Variants in DCC observed in about 807,000 individuals in gnomAD.
The protein encoded by DCC is netrin receptor DCC.
Under a neutral mutation model 172.5 loss-of-function variants are expected in DCC, and 58 were observed. The ratio of observed to expected loss-of-function variants is 0.34; its 90% CI spans 0.27 to 0.42. The LOEUF (loss-of-function observed/expected upper bound fraction) is 0.42. Ranked by LOEUF, DCC falls within the 10% of genes least tolerant of loss-of-function variation. The probability of loss-of-function intolerance (pLI) is 1.00; values close to 1 mark genes in which losing one functional copy is unlikely to be tolerated. For missense variants in DCC, 1,740 were observed against 1,791.0 expected (o/e 0.97, Z 0.51); for synonymous variants, 709 against 644.5 (o/e 1.10, Z -1.52).
chr18:53,265,112 C>A (rs1451641121), intron 12 of DCC, among the ~76,000 whole-genome samples: 1 of 152,178 alleles, frequency 6.6e-6, no homozygotes, highest in African/African-American at 2.4e-5. Flanking sequence ...ATGTCAGAAG[C>A]AACCGGATGA....
In DCC at chr18:52,772,517, TAATC is replaced by T. The variant is rs564710552; in HGVS notation, c.412+20145_412+20148del. On this transcript the variant is annotated intron_variant, in intron 2 of 28. Transcript: ENST00000442544. ...GCTGACAGTTAATGTCCAAGGTACT[TAATC>T]AGAGAAACTACCATGGGAGGTCTAA... 5.3e-5 allele frequency among the ~76,000 whole-genome samples: 8 copies of T among 152,318 alleles called. No individual in the cohort carries two copies. The East Asian group carries it at 1.3e-3, about 26-fold the overall frequency.
chr18:53,501,940 A>G (rs1440158083), intron 27 of DCC, among the ~76,000 whole-genome samples: 1 of 152,172 alleles, frequency 6.6e-6, no homozygotes, highest in Non-Finnish European at 1.5e-5. Context: ...ATCTGATACA[A>G]TGCAGTATAA....
chr18:52,778,308 A>C (rs9963981), intron 2 of DCC, among the ~76,000 whole-genome samples: 8,052 of 152,290 alleles, frequency 0.053, 285 homozygotes, highest in South Asian at 0.16. Flanking sequence ...CACTTTCTTC[A>C]GTTGCATGCC....
intron 1 of DCC, among the ~76,000 whole-genome samples, chr18:52,428,550 C>T (rs75813297): frequency 0.011 from 1,700 of 152,142 alleles, 25 homozygotes; most frequent in South Asian, 0.031. Flanking sequence ...TGTACACCTG[C>T]TTTTAGAGTT....
At chr18:52,846,171 G>C (rs1273578206) in intron 2 of DCC, among the ~76,000 whole-genome samples, 1 of 152,114 alleles carries the variant, frequency 6.6e-6, no homozygotes, top group Non-Finnish European at 1.5e-5. Flanking sequence ...CCAAAGAAAA[G>C]TACCGTTAAA....
At chr18:53,097,896 C>A (rs1284131198) in intron 7 of DCC, among the ~76,000 whole-genome samples, 2 of 152,084 alleles carry the variant, frequency 1.3e-5, no homozygotes, top group Non-Finnish European at 2.9e-5. Flanking sequence ...CTGTTGTGCC[C>A]TCACTTAACC....
chr18:53,474,821 G>A (rs957780795), intron 25 of DCC, among the ~76,000 whole-genome samples: 5 of 152,228 alleles, frequency 3.3e-5, no homozygotes, highest in Non-Finnish European at 7.3e-5. Flanking sequence ...AGCTCAGTAA[G>A]AGGCAGAGGT....
chr18:53,345,301 A>G (rs1158102372), intron 15 of DCC, among the ~76,000 whole-genome samples: 1 of 152,114 alleles, frequency 6.6e-6, no homozygotes, highest in African/African-American at 2.4e-5. Flanking sequence ...GAGATACCAT[A>G]TATGTATTTA....
At chr18:52,750,297 G>C (rs1277389183) in intron 1 of DCC, among the ~76,000 whole-genome samples, 1 of 152,144 alleles carries the variant, frequency 6.6e-6, no homozygotes, top group Non-Finnish European at 1.5e-5. Flanking sequence ...CCTAAGGCTA[G>C]ATATCCAGAC....
At position 53,499,385 on chromosome 18, in the gene DCC, G is replaced by A; in HGVS notation, c.3986G>A (p.Arg1329Lys). The change falls in exon 27 of 29, where the codon AGA becomes AAA. Residue 1329 changes from arginine (R) to lysine (K), a missense_variant. Arg to Lys is a conservative substitution (Grantham distance 26). This residue lies in a region of DCC where 1,732 missense variants were observed against 1,767.4 expected (regional missense o/e 0.98). Transcript: ENST00000442544. ...EHSSSEEAPSRTIPTACVRPT... is the reference protein window; with the variant it reads ...EHSSSEEAPSKTIPTACVRPT... ...TCTAGCAGCGAGGAGGCACCAAGCA[G>A]AACCATCCCCACAGCTTGTGTTCGA... 6.2e-7 allele frequency: 1 copy of A among 1,614,066 alleles called. No individual in the cohort carries two copies. The highest frequency in any genetic ancestry group is 8.5e-7 in the Non-Finnish European group (1 of 1,180,004).
At chr18:53,058,175 C>A (rs2042439253) in intron 5 of DCC, among the ~76,000 whole-genome samples, 1 of 151,932 alleles carries the variant, frequency 6.6e-6, no homozygotes. Flanking sequence ...TAAAATAAAA[C>A]AATTATATTA....
Position 53,008,927 on chromosome 18 carries a change from T to C in DCC, c.986-54378T>C, listed in dbSNP as rs117018239. ...TGTATATTAAAACTCACAACCCGTA[T>C]TTCTAACCTGAGAAGTTTAGCTTAT... On this transcript the variant is annotated intron_variant, in intron 5 of 28. Coordinates refer to ENST00000442544, the MANE Select transcript of DCC (RefSeq NM_005215.4). Among the ~76,000 whole-genome samples the C allele has an allele frequency of 8.1e-3, 1,230 of 152,120 alleles. 9 individuals are homozygous for C. The highest frequency in any genetic ancestry group is 0.013 in the Non-Finnish European group (885 of 67,876).
At chr18:52,439,066 A>G (rs1987888241) in intron 1 of DCC, among the ~76,000 whole-genome samples, 1 of 152,156 alleles carries the variant, frequency 6.6e-6, no homozygotes, top group Non-Finnish European at 1.5e-5. Context: ...GGAGAAAAAA[A>G]GGTAAATTCG....
intron 2 of DCC, among the ~76,000 whole-genome samples, chr18:52,824,730 G>A (rs566202414): frequency 6.6e-6 from 1 of 152,194 alleles, no homozygotes; most frequent in East Asian, 1.9e-4. Flanking sequence ...CAGCACTTTG[G>A]GAGGCTGAAG....
At chr18:52,469,611 G>A (rs1988888947) in intron 1 of DCC, among the ~76,000 whole-genome samples, 1 of 152,158 alleles carries the variant, frequency 6.6e-6, no homozygotes, top group East Asian at 1.9e-4. Flanking sequence ...TACAAAAATT[G>A]TAAAATTTTA....
chr18:52,507,560 A>G (rs2031277689), intron 1 of DCC, among the ~76,000 whole-genome samples: 1 of 152,182 alleles, frequency 6.6e-6, no homozygotes, highest in African/African-American at 2.4e-5. Context: ...GTTCTTTGCC[A>G]AACTGTACAT....
chr18:53,350,385 C>T (rs1027970719), intron 15 of DCC, among the ~76,000 whole-genome samples: 7 of 152,128 alleles, frequency 4.6e-5, no homozygotes, highest in African/African-American at 1.7e-4. Flanking sequence ...ACATAAATAA[C>T]ATAGGTTATT....
At position 53,420,721 on chromosome 18, in the gene DCC, C is replaced by G. The variant is rs1475593932; in HGVS notation, c.3163+4565C>G. ...TTTAACCTTATGATTTAATTACTTCCATAAAGGCCCTATATTCAAATATAA... is the reference window on the plus strand; with the variant it reads ...TTTAACCTTATGATTTAATTACTTCGATAAAGGCCCTATATTCAAATATAA... On this transcript the variant is annotated intron_variant, in intron 21 of 28. Transcript: ENST00000442544. Among the ~76,000 whole-genome samples, 3 of 152,180 alleles carry G rather than the reference C, an allele frequency of 2.0e-5. No individual in the cohort carries two copies. The East Asian group carries it at 5.8e-4, about 29-fold the overall frequency.
intron 5 of DCC, among the ~76,000 whole-genome samples, chr18:52,938,786 A>G (rs2040418886): frequency 6.6e-6 from 1 of 152,128 alleles, no homozygotes; most frequent in Non-Finnish European, 1.5e-5. Context: ...TATACCTTAC[A>G]TTAAATCCAT....
Sources: gnomAD v4.1 joint callset for allele counts (sites outside exome capture counted in the v4.1 genomes callset) on GRCh38, gnomAD v4.1.1 for gene constraint, gnomAD v4.1.1 regional missense constraint, MANE v1.5 for transcripts, NCBI Gene and HGNC (gene_info 2026-07-23, HGNC 2026-07-21) for gene names.